Variants in MYO1D observed in about 807,000 individuals in gnomAD.
MYO1D encodes unconventional myosin-Id.
In MYO1D, 83 loss-of-function variants were observed where a neutral mutation model predicts 122.0. The ratio of observed to expected loss-of-function variants is 0.68; its 90% CI spans 0.57 to 0.82. MYO1D has a LOEUF of 0.82. MYO1D is among the 40% of genes least tolerant of loss of function. The pLI is 0.00. For missense variants in MYO1D, 1,157 were observed against 1,269.5 expected (o/e 0.91, Z 1.35); for synonymous variants, 464 against 446.9 (o/e 1.04, Z -0.48).
chr17:32,826,240 ATAACT>A (rs1205642202), intron 1 of MYO1D, among the ~76,000 whole-genome samples: 1 of 152,006 alleles, frequency 6.6e-6, no homozygotes, highest in East Asian at 1.9e-4. Flanking sequence ...CCACCTTCAC[ATAACT>A]TAACCATACA....
At chr17:32,536,655 G>A (rs1203445738) in intron 21 of MYO1D, among the ~76,000 whole-genome samples, 1 of 152,068 alleles carries the variant, frequency 6.6e-6, no homozygotes, top group East Asian at 1.9e-4. Flanking sequence ...ATTTAAGCTG[G>A]GAAATTAATG....
intron 16 of MYO1D, among the ~76,000 whole-genome samples, chr17:32,706,967 A>T (rs1394367361): frequency 6.6e-6 from 1 of 152,086 alleles, no homozygotes; most frequent in Non-Finnish European, 1.5e-5. Flanking sequence ...AAGTGCTGGG[A>T]TTACAGGTGT....
chr17:32,564,531 G>A (rs2087155232), intron 21 of MYO1D, among the ~76,000 whole-genome samples: 1 of 152,178 alleles, frequency 6.6e-6, no homozygotes, highest in Admixed American at 6.6e-5. Flanking sequence ...TGACCTACCT[G>A]CTTTCCTTCC....
intron 21 of MYO1D, among the ~76,000 whole-genome samples, chr17:32,522,323 A>G (rs1218435416): frequency 6.6e-6 from 1 of 152,176 alleles, no homozygotes; most frequent in African/African-American, 2.4e-5. Context: ...CTGAGTTGAA[A>G]CCACAGAGTT....
chr17:32,659,164 G>C lies in MYO1D; in HGVS notation c.2296C>G (p.Pro766Ala). Residue 766 changes from proline (P) to alanine (A), a missense_variant, in exon 17 of 22, where the codon CCT (proline) becomes GCT (alanine). Transcript: ENST00000318217. ...YGKHVKWPSP[P>A]KVLRRFEEAL... ...TCCTCAAAACGGCGAAGAACTTTAGGAGGGCTTGGCCACTTCACGTGCTTC... is the reference window on the plus strand; with the variant it reads ...TCCTCAAAACGGCGAAGAACTTTAGCAGGGCTTGGCCACTTCACGTGCTTC... 6.2e-7 allele frequency: 1 copy of C among 1,614,130 alleles called. No individual in the cohort carries two copies. Among genetic ancestry groups the C allele is most frequent in the Non-Finnish European group, 8.5e-7 (1 of 1,180,026 alleles).
rs184754407 is a variant in MYO1D, at chr17:32,520,831, G to A, written c.2865-25916C>T. 1.2e-4 allele frequency among the ~76,000 whole-genome samples: 19 copies of A among 152,316 alleles called. No individual in the cohort carries two copies. In the East Asian group the frequency reaches 3.7e-3, roughly 29 times the overall value. ...AAAATGATGAATAAAAATAATACGC[G>A]TGAACTGCTGTTATTCCTGCATTCC... On this transcript the variant is annotated intron_variant, in intron 21 of 21. Transcript: ENST00000318217.
intron 21 of MYO1D, among the ~76,000 whole-genome samples, chr17:32,496,695 T>A (rs1411851242): frequency 6.6e-6 from 1 of 152,072 alleles, no homozygotes; most frequent in Non-Finnish European, 1.5e-5. Context: ...TCCCTCTCAC[T>A]GGACTCTTGT....
At chr17:32,596,171 C>T (rs2087490257) in intron 21 of MYO1D, among the ~76,000 whole-genome samples, 1 of 152,174 alleles carries the variant, frequency 6.6e-6, no homozygotes, top group African/African-American at 2.4e-5. Flanking sequence ...ATTTAATCAA[C>T]CAGTCCTCCA....
chr17:32,780,578 G>A lies in MYO1D; in HGVS notation c.302C>T (p.Ser101Leu). The A allele has an allele frequency of 6.2e-7, 1 of 1,613,778 alleles. No homozygotes were observed. Among genetic ancestry groups the A allele is most frequent in the Non-Finnish European group, 8.5e-7 (1 of 1,179,864 alleles). ...RRSKDTCIVISGESGAGKTEA... is the reference protein window; with the variant it reads ...RRSKDTCIVILGESGAGKTEA... Reference sequence around the variant, plus strand: ...TACAGGGGATCCCCTCCAATTACCTGATATCACAATACAAGTGTCTTTTGA... The same window carrying A: ...TACAGGGGATCCCCTCCAATTACCTAATATCACAATACAAGTGTCTTTTGA... Residue 101 changes from serine to leucine, a missense_variant and splice_region_variant, in exon 2 of 22, where the codon TCA becomes TTA. Physicochemically the swap from Ser to Leu is moderately radical, Grantham distance 145. Coordinates refer to ENST00000318217, the MANE Select transcript of MYO1D (RefSeq NM_015194.3).
intron 1 of MYO1D, among the ~76,000 whole-genome samples, chr17:32,866,603 T>C (rs928058826): frequency 5.5e-4 from 84 of 152,256 alleles, no homozygotes; most frequent in African/African-American, 1.9e-3. Context: ...TACACTAACA[T>C]GCTTGTGCTG....
At chr17:32,719,500 GC>G (rs1160013239) in intron 15 of MYO1D, among the ~76,000 whole-genome samples, 1 of 151,918 alleles carries the variant, frequency 6.6e-6, no homozygotes, top group Non-Finnish European at 1.5e-5. Context: ...ACAGGCGCCC[GC>G]CACCACGCCC....
intron 16 of MYO1D, among the ~76,000 whole-genome samples, chr17:32,708,182 A>G (rs2089332098): frequency 6.6e-6 from 1 of 152,232 alleles, no homozygotes; most frequent in African/African-American, 2.4e-5. Context: ...GGGAAAAAAG[A>G]TAGTACAAAG....
chr17:32,572,983 C>T (rs1202706230), intron 21 of MYO1D, among the ~76,000 whole-genome samples: 1 of 151,990 alleles, frequency 6.6e-6, no homozygotes, highest in Non-Finnish European at 1.5e-5. Flanking sequence ...GCGTTCATAC[C>T]CCTTTCTAGA....
chr17:32,540,040 G>A (rs1351088956), intron 21 of MYO1D, among the ~76,000 whole-genome samples: 1 of 151,846 alleles, frequency 6.6e-6, no homozygotes, highest in Non-Finnish European at 1.5e-5. Context: ...TGCTTCAAAG[G>A]ATACTGCCAA....
At chr17:32,588,765 C>A (rs1439014277) in intron 21 of MYO1D, among the ~76,000 whole-genome samples, 1 of 152,036 alleles carries the variant, frequency 6.6e-6, no homozygotes, top group Non-Finnish European at 1.5e-5. Flanking sequence ...GCCTGGCCAA[C>A]ATGGTGAAAC....
intron 21 of MYO1D, among the ~76,000 whole-genome samples, chr17:32,539,326 GAGC>G (rs1910765395): frequency 7.1e-6 from 1 of 141,340 alleles, no homozygotes; most frequent in Non-Finnish European, 1.6e-5. Flanking sequence ...CACACACACA[GAGC>G]AGCATGTTAT....
chr17:32,638,595 TA>T, intron 20 of MYO1D, 126 bp downstream of exon 20: 2 of 572,070 alleles, frequency 3.5e-6, no homozygotes, highest in Non-Finnish European at 6.2e-6. Flanking sequence ...ATATGACACA[TA>T]AAATTTCAGG....
chr17:32,731,479 C>G (rs368068393), intron 14 of MYO1D, among the ~76,000 whole-genome samples: 2 of 152,140 alleles, frequency 1.3e-5, no homozygotes, highest in East Asian at 1.9e-4. Flanking sequence ...CAGAAGTTTT[C>G]ATGAGTCTGA....
intron 21 of MYO1D, among the ~76,000 whole-genome samples, chr17:32,558,837 G>A (rs899292396): frequency 1.3e-5 from 2 of 152,234 alleles, no homozygotes; most frequent in African/African-American, 4.8e-5. Flanking sequence ...CAGACTGTCT[G>A]AGCTCTGGTC....
Sources: gnomAD v4.1 joint callset for allele counts (sites outside exome capture counted in the v4.1 genomes callset) on GRCh38, gnomAD v4.1.1 for gene constraint, MANE v1.5 for transcripts, NCBI Gene and HGNC (gene_info 2026-07-23, HGNC 2026-07-21) for gene names.